MAP3K21: variants seen among roughly 807,000 people sequenced by gnomAD.
The protein encoded by MAP3K21 is mitogen-activated protein kinase kinase kinase 21.
Under a neutral mutation model 86.1 loss-of-function variants are expected in MAP3K21, and 63 were observed. That is an observed-to-expected ratio of 0.73 (90% confidence interval 0.60 to 0.90). The LOEUF (loss-of-function observed/expected upper bound fraction) is 0.90. Ranked by LOEUF, MAP3K21 falls within the 40% of genes least tolerant of loss-of-function variation. The probability of loss-of-function intolerance (pLI) is 0.00; values close to 1 mark genes in which losing one functional copy is unlikely to be tolerated. For synonymous variants in MAP3K21, 558 were observed against 564.8 expected, an observed-to-expected ratio of 0.99 and a Z score of 0.17; for missense variants, 1,220 against 1,367.7, an observed-to-expected ratio of 0.89 and a Z score of 1.70.
chr1:233,363,297 G>T (rs1023767287), intron 5 of MAP3K21, among the ~76,000 whole-genome samples: 2 of 152,220 alleles, frequency 1.3e-5, no homozygotes, highest in African/African-American at 4.8e-5. Flanking sequence ...TTTATGTCGA[G>T]TGTGTATAAA....
chr1:233,353,039 T>A (rs1318838442), intron 2 of MAP3K21, among the ~76,000 whole-genome samples: 1 of 152,176 alleles, frequency 6.6e-6, no homozygotes, highest in Non-Finnish European at 1.5e-5. Flanking sequence ...ATGGTAAACA[T>A]TCATGTAGAA....
chr1:233,336,578 A>T (rs1336982025), intron 1 of MAP3K21, among the ~76,000 whole-genome samples: 3 of 148,134 alleles, frequency 2.0e-5, no homozygotes, highest in South Asian at 2.2e-4. Flanking sequence ...TAAAATAAAA[A>T]AATCCCTTAA....
intron 5 of MAP3K21, among the ~76,000 whole-genome samples, chr1:233,366,497 G>A (rs907879033): frequency 1.3e-5 from 2 of 152,068 alleles, no homozygotes; most frequent in African/African-American, 4.8e-5. Context: ...ACAAAAAGAC[G>A]AAGAGAAACA....
intron 1 of MAP3K21, among the ~76,000 whole-genome samples, chr1:233,334,185 T>A (rs1478066985): frequency 3.1e-5 from 4 of 130,898 alleles, no homozygotes; most frequent in African/African-American, 8.5e-5. Context: ...TTTTTTTTTT[T>A]AATACAAGGT....
In MAP3K21 at chr1:233,328,506, G is replaced by A. The variant is rs1301701425; in HGVS notation, c.478G>A (p.Asp160Asn). The A allele has an allele frequency of 1.3e-6, 2 of 1,525,152 alleles. No homozygotes were observed. The highest frequency in any genetic ancestry group is 3.9e-5 in the Admixed American group (2 of 51,006). The allele number at this position is 1,525,152 out of a possible 1,614,324, so 94.5% of individuals were successfully genotyped here. A position where few individuals can be genotyped will look rare whatever the true frequency, so the allele number is the denominator to read the frequency against. Reference protein sequence around the residue: ...VKAARQDPEQDAAAAAESVRR... With the variant: ...VKAARQDPEQNAAAAAESVRR... ...GGCGGCGCGCCAGGACCCGGAGCAG[G>A]ACGCGGCGGCGGCTGCCGAGAGCGT... is the stretch of plus-strand genomic sequence containing the variant. Residue 160 changes from aspartate (D) to asparagine (N), a missense_variant, in exon 1 of 10, where the codon GAC becomes AAC. Asp to Asn is a conservative substitution (Grantham distance 23). This residue lies in a region of MAP3K21 where 369 missense variants were observed against 385.3 expected (regional missense o/e 0.96). Coordinates refer to ENST00000366624, the MANE Select transcript of MAP3K21 (RefSeq NM_032435.3). This position sits in a 1 kb window ranked among gnomAD's most constrained non-coding sequence, Gnocchi z 8.7.
rs772203571 is a variant in MAP3K21 at position 233,355,034 on chromosome 1, A to G, written c.1311+23A>G. The G allele has an allele frequency of 2.0e-5, 31 of 1,544,930 alleles. No homozygotes were observed. In the South Asian group the frequency reaches 2.2e-4, roughly 11 times the overall value. ...AAGGTGAGAGAAATTTTTAAACAGCATAATGTACTCAAATTTATGAAAACT... is the reference window on the plus strand; with the variant it reads ...AAGGTGAGAGAAATTTTTAAACAGCGTAATGTACTCAAATTTATGAAAACT... On this transcript the variant is annotated intron_variant, in intron 4 of 9. Coordinates refer to ENST00000366624, the MANE Select transcript of MAP3K21 (RefSeq NM_032435.3).
intron 4 of MAP3K21, among the ~76,000 whole-genome samples, chr1:233,358,152 A>G (rs1239560683): frequency 8.6e-5 from 13 of 151,206 alleles, no homozygotes; most frequent in Admixed American, 7.9e-4. Context: ...CATTGGAGCC[A>G]TCACTGTAAC....
intron 2 of MAP3K21, among the ~76,000 whole-genome samples, chr1:233,346,973 T>C (rs917998692): frequency 9.2e-5 from 14 of 152,188 alleles, no homozygotes; most frequent in Non-Finnish European, 1.6e-4. Flanking sequence ...CCTCCCAGGC[T>C]CAAGTGATCT....
chr1:233,349,619 G>A (rs913301433), intron 2 of MAP3K21, among the ~76,000 whole-genome samples: 3 of 152,138 alleles, frequency 2.0e-5, no homozygotes, highest in Non-Finnish European at 2.9e-5. Context: ...TATTTACAAA[G>A]TGCGATGATC....
At position 233,328,697 on chromosome 1, in the gene MAP3K21, G is replaced by T. The variant is rs1662755334; in HGVS notation, c.669G>T (p.Ala223=). The change falls in exon 1 of 10, where the codon GCG becomes GCT. Residue 223 remains alanine (A), a synonymous_variant. Coordinates refer to ENST00000366624, the MANE Select transcript of MAP3K21 (RefSeq NM_032435.3). The surrounding 1 kb of genome is among the most constrained non-coding windows in gnomAD (Gnocchi z 8.7). The part of the protein sequence containing the change: ...AAANAAPDPR[A]PGPRRARRIP... ...CCAACGCCGCCCCGGACCCGCGCGC[G>T]CCCGGCCCCCGCCGCGCGCGCCGCA... 11 of 1,366,714 alleles carry T rather than the reference G, an allele frequency of 8.0e-6. No individual in the cohort carries two copies. The highest frequency in any genetic ancestry group is 1.0e-5 in the Non-Finnish European group (11 of 1,055,216). The allele number at this position is 1,366,714 out of a possible 1,614,324, so 84.7% of individuals were successfully genotyped here.
intron 1 of MAP3K21, among the ~76,000 whole-genome samples, chr1:233,338,249 T>G (rs1662952924): frequency 6.6e-6 from 1 of 152,252 alleles, no homozygotes; most frequent in Non-Finnish European, 1.5e-5. Flanking sequence ...ATCTGTTTTT[T>G]CTTTACAGAA....
At chr1:233,359,235 C>G (rs1663423963) in intron 4 of MAP3K21, among the ~76,000 whole-genome samples, 1 of 152,138 alleles carries the variant, frequency 6.6e-6, no homozygotes, top group South Asian at 2.1e-4. Context: ...TGGATGTCAG[C>G]TCTTTCTCTA....
chr1:233,336,005 G>A (rs1461150225), intron 1 of MAP3K21, among the ~76,000 whole-genome samples: 1 of 152,118 alleles, frequency 6.6e-6, no homozygotes, highest in Non-Finnish European at 1.5e-5. Flanking sequence ...ACTATACTTT[G>A]AGAACCTCTA....
At position 233,328,345 on chromosome 1, in the gene MAP3K21, C is replaced by A; in HGVS notation, c.317C>A (p.Pro106His). The A allele has an allele frequency of 6.8e-7, 1 of 1,468,158 alleles. No homozygotes were observed. The highest frequency in any genetic ancestry group is 8.9e-7 in the Non-Finnish European group (1 of 1,118,832). The allele number at this position is 1,468,158 out of a possible 1,614,324, so 90.9% of individuals were successfully genotyped here. Reference protein sequence around the residue: ...YVAPCRPAASPAPPPSRPSSP... With the variant: ...YVAPCRPAASHAPPPSRPSSP... ...GCTCCCTGCCGCCCGGCCGCCAGCC[C>A]CGCGCCGCCGCCCTCGCGGCCCAGC... The change falls in exon 1 of 10, where the codon CCC becomes CAC. Residue 106 changes from proline to histidine, a missense_variant. Pro to His is a moderately conservative substitution (Grantham distance 77, BLOSUM62 -2). Around this residue, in one of 5 missense-constraint regions of MAP3K21, gnomAD observed 369 missense variants for 385.3 expected, o/e 0.96. Transcript: ENST00000366624. The surrounding 1 kb of genome is among the most constrained non-coding windows in gnomAD (Gnocchi z 8.7).
chr1:233,371,749 T>TTGTG (rs71574858), intron 5 of MAP3K21, among the ~76,000 whole-genome samples: 17,799 of 147,594 alleles, frequency 0.12, 1,099 homozygotes, highest in East Asian at 0.19. Flanking sequence ...ATATTTTCCT[T>TTGTG]TGTGTGTGTG....
At chr1:233,346,204 CAGAA>C (rs1663135787) in intron 1 of MAP3K21, among the ~76,000 whole-genome samples, 1 of 152,124 alleles carries the variant, frequency 6.6e-6, no homozygotes, top group South Asian at 2.1e-4. Context: ...TTTACTTTCT[CAGAA>C]AGAGAACTAC....
chr1:233,376,551 A>T, intron 8 of MAP3K21, 24 bp downstream of exon 8: 8 of 1,558,176 alleles, frequency 5.1e-6, no homozygotes, highest in Non-Finnish European at 7.1e-6. Context: ...AGGAGGTAGG[A>T]TTTGCTTGAG....
In MAP3K21 at chr1:233,379,177, A is replaced by G. The variant is rs1426079146; in HGVS notation, c.2171A>G (p.Tyr724Cys). 1 of 1,614,184 alleles carries G rather than the reference A, an allele frequency of 6.2e-7. No individual in the cohort carries two copies. The highest frequency in any genetic ancestry group is 8.5e-7 in the Non-Finnish European group (1 of 1,180,022). ...AGAAAGAAAACGGAGTCAGCTCTGT[A>G]TGGGTGCACCGTCCTTCTGGCATCG... is the stretch of plus-strand genomic sequence containing the variant. ...PQRKKTESAL[Y>C]GCTVLLASVA... Residue 724 changes from tyrosine (Y) to cysteine (C), a missense_variant, in exon 9 of 10, where the codon TAT (tyrosine) becomes TGT (cysteine). Physicochemically the swap from Tyr to Cys is radical, Grantham distance 194. Transcript: ENST00000366624.
At chr1:233,377,533 C>G (rs1663823536) in intron 8 of MAP3K21, among the ~76,000 whole-genome samples, 1 of 152,016 alleles carries the variant, frequency 6.6e-6, no homozygotes, top group Non-Finnish European at 1.5e-5. Context: ...AGAGGGTACC[C>G]CAAACAAAAG....
Sources: allele counts gnomAD v4.1 joint callset (sites outside exome capture counted in the v4.1 genomes callset), GRCh38; gene constraint gnomAD v4.1.1; regional missense constraint gnomAD v4.1.1; non-coding constraint Gnocchi (gnomAD v3.1); transcripts MANE v1.5; gene names NCBI Gene and HGNC (gene_info 2026-07-23, HGNC 2026-07-21).